Variants in KNDC1 observed in about 807,000 individuals in gnomAD.
The protein encoded by KNDC1 is kinase non-catalytic C-lobe domain-containing protein 1.
A neutral mutation model predicts 172.8 loss-of-function variants in KNDC1; 106 were observed. That is an observed-to-expected ratio of 0.61 (90% CI 0.52 to 0.72). The LOEUF (loss-of-function observed/expected upper bound fraction) is 0.72, where lower values mean the gene tolerates loss of function less well. Ranked by LOEUF, KNDC1 falls within the 30% of genes least tolerant of loss-of-function variation. The probability of loss-of-function intolerance (pLI) is 0.00; values close to 1 mark genes in which losing one functional copy is unlikely to be tolerated. For missense variants in KNDC1, 2,325 were observed against 2,394.5 expected, an observed-to-expected ratio of 0.97 and a Z score of 0.61; for synonymous variants, 1,083 against 1,062.2, an observed-to-expected ratio of 1.02 and a Z score of -0.38.
intron 21 of KNDC1, among the ~76,000 whole-genome samples, chr10:133,211,021 G>T (rs1845352234): frequency 6.6e-6 from 1 of 152,114 alleles, no homozygotes; most frequent in African/African-American, 2.4e-5. Context: ...CAGGTGGGCA[G>T]GCAGTGAGAG....
Position 133,214,005 on chromosome 10 carries a change from C to G in KNDC1, c.4560C>G (p.Thr1520=). 6.2e-7 allele frequency: 1 copy of G among 1,614,194 alleles called. No individual in the cohort carries two copies. Among genetic ancestry groups the G allele is most frequent in the Non-Finnish European group, 8.5e-7 (1 of 1,179,988 alleles). The change falls in exon 26 of 30, where the codon ACC becomes ACG. Residue 1520 remains threonine, a synonymous_variant. Coordinates refer to ENST00000304613, the MANE Select transcript of KNDC1 (RefSeq NM_152643.8). ...CTTCTGAGTCTCTTTCGGCCAAAAC[C>G]TGCAGCTTATTTCTGCCCAATTACG... ...ASSSESLSAK[T]CSLFLPNYVQ... is the part of the protein sequence containing the mutation.
chr10:133,201,490 T>C lies in KNDC1; in HGVS notation c.2990-11T>C, dbSNP rs1406586113. On this transcript the variant is annotated splice_polypyrimidine_tract_variant and intron_variant, in intron 16 of 29. Transcript: ENST00000304613. The stretch of plus-strand genomic sequence containing the variant: ...CCACTGTCCACGTAACCTGCGTCTC[T>C]TTCTTTCAAGGAAAAGAGAAGCCAG... 2 of 1,582,488 alleles carry C rather than the reference T, an allele frequency of 1.3e-6. No individual in the cohort carries two copies. Among genetic ancestry groups the C allele is most frequent in the Admixed American group, 1.8e-5 (1 of 54,930 alleles).
chr10:133,194,900 T>C (rs1423248131), intron 9 of KNDC1, among the ~76,000 whole-genome samples: 4 of 152,228 alleles, frequency 2.6e-5, no homozygotes, highest in Non-Finnish European at 5.9e-5. Flanking sequence ...GGACATGGTC[T>C]TACGATATCA....
intron 9 of KNDC1, among the ~76,000 whole-genome samples, chr10:133,193,274 C>T (rs1854107884): frequency 6.6e-6 from 1 of 152,158 alleles, no homozygotes; most frequent in African/African-American, 2.4e-5. Context: ...CCTGTAATCC[C>T]AACACTTTGG....
At position 133,195,776 on chromosome 10, in the gene KNDC1, C is replaced by G. The variant is rs1483468374; in HGVS notation, c.1689C>G (p.Ala563=). 6.2e-7 allele frequency: 1 copy of G among 1,602,600 alleles called. No homozygotes were observed. The highest frequency in any genetic ancestry group is 1.3e-5 in the African/African-American group (1 of 74,640). The change falls in exon 10 of 30, where the codon GCC becomes GCG. Residue 563 remains alanine, a synonymous_variant. Transcript: ENST00000304613. ...RRLKTLLLDM[A]RRSAPERPSA... ...TCAAGACCCTCCTCCTGGACATGGC[C>G]AGGCGCAGTGCCCCGGAGCGGCCGT...
intron 1 of KNDC1, chr10:133,167,114 G>A (rs1853188005): frequency 1.9e-6 from 1 of 520,130 alleles, no homozygotes; most frequent in Non-Finnish European, 3.5e-6. Context: ...GCCTCCGGGA[G>A]GAAGGCCCCG....
intron 3 of KNDC1, among the ~76,000 whole-genome samples, chr10:133,181,189 T>C (rs967586025): frequency 3.3e-5 from 5 of 152,200 alleles, no homozygotes; most frequent in East Asian, 1.9e-4. Flanking sequence ...AGATGCCACA[T>C]GGGGCACCCA....
At chr10:133,199,658 G>C (rs1156733269) in intron 15 of KNDC1, 56 bp downstream of exon 15, 2 of 1,585,932 alleles carry the variant, frequency 1.3e-6, no homozygotes, top group Non-Finnish European at 1.7e-6. Context: ...CACTGTGCCT[G>C]GGCTCTGCTG....
chr10:133,200,601 A>G (rs1854335812), intron 16 of KNDC1, 141 bp downstream of exon 16: 1 of 657,750 alleles, frequency 1.5e-6, no homozygotes, highest in Non-Finnish European at 2.3e-6. Context: ...GGGGGTGCCC[A>G]GCCAAAGGCC....
chr10:133,216,765 G>A (rs943619227), intron 26 of KNDC1, among the ~76,000 whole-genome samples: 6 of 152,362 alleles, frequency 3.9e-5, no homozygotes, highest in Admixed American at 2.6e-4. Context: ...CCATAGCCAA[G>A]AGGTGGAGGC....
intron 23 of KNDC1, among the ~76,000 whole-genome samples, chr10:133,212,432 A>C (rs952695880): frequency 6.6e-6 from 1 of 152,164 alleles, no homozygotes; most frequent in South Asian, 2.1e-4. Context: ...TCATTGACCC[A>C]CGGGCCAGAG....
chr10:133,214,158 G>A (rs562658151), intron 26 of KNDC1, 36 bp downstream of exon 26: 133 of 1,610,204 alleles, frequency 8.3e-5, no homozygotes, highest in Non-Finnish European at 1.0e-4. Context: ...AACACGGGGC[G>A]TGGGGCCCAC....
In KNDC1 at chr10:133,206,439, G is replaced by A. The variant is rs578004895; in HGVS notation, c.3388-246G>A. ...AAGGGCCTGACTGTGGGTGAGGGGCGCAGGGAGCAGTCGGCCCCAAGCTGG... is the reference window on the plus strand; with the variant it reads ...AAGGGCCTGACTGTGGGTGAGGGGCACAGGGAGCAGTCGGCCCCAAGCTGG... On this transcript the variant is annotated intron_variant, in intron 17 of 29. Coordinates refer to ENST00000304613, the MANE Select transcript of KNDC1 (RefSeq NM_152643.8). 3.9e-5 allele frequency among the ~76,000 whole-genome samples: 6 copies of A among 152,308 alleles called. No individual in the cohort carries two copies. In the South Asian group the frequency reaches 8.3e-4, roughly 21 times the overall value.
At chr10:133,200,924 C>T (rs778867375) in intron 16 of KNDC1, among the ~76,000 whole-genome samples, 1 of 152,196 alleles carries the variant, frequency 6.6e-6, no homozygotes, top group Non-Finnish European at 1.5e-5. Context: ...TCCCAGCGTC[C>T]AGCCAGCAGG....
At chr10:133,167,148 C>G in intron 1 of KNDC1, 1 of 568,488 alleles carries the variant, frequency 1.8e-6, no homozygotes, top group Non-Finnish European at 3.1e-6. Flanking sequence ...GGAGCCGACA[C>G]CTGCTCTGGG....
chr10:133,212,710 C>T lies in KNDC1; in HGVS notation c.4237-6C>T. ...TAGGCCCCTCAGTGCCCGGCCTGCC[C>T]TGCAGAGCTTCCCCTGGAGGCTGCC... On this transcript the variant is annotated splice_region_variant and splice_polypyrimidine_tract_variant and intron_variant, in intron 23 of 29. Coordinates refer to ENST00000304613, the MANE Select transcript of KNDC1 (RefSeq NM_152643.8). 1 of 1,611,876 alleles carries T rather than the reference C, an allele frequency of 6.2e-7. No individual in the cohort carries two copies. Among genetic ancestry groups the T allele is most frequent in the East Asian group, 2.2e-5 (1 of 44,862 alleles).
chr10:133,171,669 C>G (rs1161875127), intron 3 of KNDC1, among the ~76,000 whole-genome samples: 2 of 152,162 alleles, frequency 1.3e-5, no homozygotes, highest in Non-Finnish European at 2.9e-5. Context: ...CAGGGTGCAG[C>G]ACAGTGGCAT....
chr10:133,196,997 C>A, intron 10 of KNDC1, 61 bp from the exon 11 acceptor site: 1 of 1,363,046 alleles, frequency 7.3e-7, no homozygotes. Flanking sequence ...CCCAGTGACA[C>A]GGGGACGGTG....
rs771982127 is a variant in KNDC1, at chr10:133,186,646, G to A, written c.1298G>A (p.Arg433Lys). 3.1e-5 allele frequency: 50 copies of A among 1,590,526 alleles called. No individual in the cohort carries two copies. The highest frequency in any genetic ancestry group is 6.7e-5 in the African/African-American group (5 of 74,412). Residue 433 changes from arginine to lysine, a missense_variant, in exon 6 of 30, where the codon AGG becomes AAG. Physicochemically the swap from Arg to Lys is conservative, Grantham distance 26. Transcript: ENST00000304613. Reference protein sequence around the residue: ...RDDERIPEGARQLESAAAEQW... With the variant: ...RDDERIPEGAKQLESAAAEQW... ...GATGAGAGAATTCCAGAAGGAGCTA[G>A]GCAGCTGGAAAGTGCAGCCGCGGAG...
Sources: gnomAD v4.1 joint callset for allele counts (sites outside exome capture counted in the v4.1 genomes callset) on GRCh38, gnomAD v4.1.1 for gene constraint, MANE v1.5 for transcripts, NCBI Gene and HGNC (gene_info 2026-07-23, HGNC 2026-07-21) for gene names.